RPGRIP1: variants seen among roughly 807,000 people sequenced by gnomAD.
RPGRIP1 encodes X-linked retinitis pigmentosa GTPase regulator-interacting protein 1.
RPGRIP1 carries 128 observed loss-of-function variants against 157.9 expected under a neutral mutation model. That is an observed-to-expected ratio of 0.81 (90% CI 0.70 to 0.94). The LOEUF (loss-of-function observed/expected upper bound fraction) is 0.94, where lower values mean the gene tolerates loss of function less well. Among genes scored for constraint, RPGRIP1 ranks in the 40% least tolerant of loss-of-function variants. RPGRIP1 has a pLI of 0.00. For missense variants in RPGRIP1, 1,486 were observed against 1,545.8 expected, an observed-to-expected ratio of 0.96 and a Z score of 0.65; for synonymous variants, 554 against 571.6, an observed-to-expected ratio of 0.97 and a Z score of 0.44.
At chr14:21,304,905 C>T (rs1323149345) in intron 6 of RPGRIP1, among the ~76,000 whole-genome samples, 2 of 151,914 alleles carry the variant, frequency 1.3e-5, no homozygotes, top group East Asian at 3.9e-4. Context: ...GGGTTCATGC[C>T]GTTCTCCTGC....
intron 3 of RPGRIP1, among the ~76,000 whole-genome samples, chr14:21,299,675 C>A (rs1398178126): frequency 6.6e-6 from 1 of 152,134 alleles, no homozygotes; most frequent in Admixed American, 6.6e-5. Context: ...GGAAACTGAG[C>A]ACAGAAAGGT....
chr14:21,297,372 G>C (rs1343025260), intron 3 of RPGRIP1, among the ~76,000 whole-genome samples: 4 of 152,174 alleles, frequency 2.6e-5, no homozygotes, highest in Admixed American at 2.6e-4. Context: ...TGGGATTACA[G>C]GTGTGAGCCA....
At chr14:21,281,099 C>T (rs1880108236) in intron 1 of RPGRIP1, among the ~76,000 whole-genome samples, 1 of 151,364 alleles carries the variant, frequency 6.6e-6, no homozygotes, top group Admixed American at 6.6e-5. Flanking sequence ...CTCACTGCAA[C>T]CTCTGCCTCC....
Position 21,325,308 on chromosome 14 carries a change from G to A in RPGRIP1, c.2292G>A (p.Ala764=), listed in dbSNP as rs35207255. 1.2e-3 allele frequency: 1,860 copies of A among 1,611,388 alleles called. 19 individuals carry two copies. In the African/African-American group the frequency reaches 0.021, roughly 19 times the overall value. The change falls in exon 16 of 25, where the codon GCG becomes GCA. Residue 764 remains alanine (A), a synonymous_variant. Transcript: ENST00000400017. ...LRFPIKPSLQ[A]CNKRKKAQVY... ...TCCCCATAAAACCCAGCCTACAGGC[G>A]TGCAATAAACGAAAGAAAGCCCAGG...
intron 11 of RPGRIP1, among the ~76,000 whole-genome samples, chr14:21,319,554 G>A (rs1882177128): frequency 6.6e-6 from 1 of 152,016 alleles, no homozygotes; most frequent in African/African-American, 2.4e-5. Flanking sequence ...GAGTAAGACT[G>A]TCTAAAGAGA....
At chr14:21,289,682 C>T (rs74386835) in intron 2 of RPGRIP1, among the ~76,000 whole-genome samples, 152 of 152,080 alleles carry the variant, frequency 1.0e-3, no homozygotes, top group Middle Eastern at 6.8e-3. Context: ...TAAAGTTGAA[C>T]GTGTAACTCT....
intron 21 of RPGRIP1, among the ~76,000 whole-genome samples, chr14:21,337,035 A>T (rs1884433898): frequency 6.6e-6 from 1 of 152,218 alleles, no homozygotes; most frequent in African/African-American, 2.4e-5. Context: ...TTATTGTTAT[A>T]TTCCAAAATG....
At chr14:21,297,904 G>A (rs1880864584) in intron 3 of RPGRIP1, among the ~76,000 whole-genome samples, 1 of 98,742 alleles carries the variant, frequency 1.0e-5, no homozygotes, top group African/African-American at 3.8e-5. Flanking sequence ...GTCTCACTCT[G>A]GCACACAGGC....
At chr14:21,330,491 A>C (rs1594230882) in intron 20 of RPGRIP1, 104 bp downstream of exon 20, 1 of 763,554 alleles carries the variant, frequency 1.3e-6, no homozygotes, top group East Asian at 3.6e-5. Context: ...ACATGATGAA[A>C]CCCGTCTCTA....
intron 21 of RPGRIP1, among the ~76,000 whole-genome samples, chr14:21,337,986 G>A (rs1223491281): frequency 6.6e-6 from 1 of 151,882 alleles, no homozygotes; most frequent in Non-Finnish European, 1.5e-5. Flanking sequence ...GTGCGATATC[G>A]GCTCACTGCA....
chr14:21,349,395 CTTTCT>C lies in RPGRIP1; in HGVS notation c.3748+1097_3748+1101del, dbSNP rs202198970. ...TCCTTAAATATAATTACTATAATTT[CTTTCT>C]TTTTTTTTTTTTTTTTTGAGATGGA... On this transcript the variant is annotated intron_variant, in intron 24 of 24. Transcript: ENST00000400017. 3.8e-3 allele frequency among the ~76,000 whole-genome samples: 409 copies of C among 108,212 alleles called. 3 individuals carry two copies. Among genetic ancestry groups the C allele is most frequent in the African/African-American group, 0.011 (336 of 29,692 alleles). The allele number at this position is 108,212 out of a possible 152,430, so 71.0% of individuals were successfully genotyped here. A position where few individuals can be genotyped will look rare whatever the true frequency, so the allele number is the denominator to read the frequency against.
At chr14:21,348,083 T>C in intron 23 of RPGRIP1, 89 bp from the exon 24 acceptor site, 1 of 1,093,952 alleles carries the variant, frequency 9.1e-7, no homozygotes, top group Non-Finnish European at 1.3e-6. Context: ...GAGAAGACGT[T>C]GTATTGTTTA....
intron 3 of RPGRIP1, among the ~76,000 whole-genome samples, chr14:21,297,834 ATTCTTTCTTTCTTTCT>A (rs55920234): frequency 7.5e-6 from 1 of 133,216 alleles, no homozygotes; most frequent in Non-Finnish European, 1.5e-5. Flanking sequence ...TCAATAAATT[ATTCTTTCTTTCTTTCT>A]TTCTTTCTTT....
chr14:21,303,558 C>G lies in RPGRIP1; in HGVS notation c.800+15C>G. ...GCAGAGCTTCGGTAAGAGTGTGGCA[C>G]TCCATGCCTCAAACCAAAACGAACT... On this transcript the variant is annotated intron_variant, in intron 6 of 24. Transcript: ENST00000400017. 1 of 1,592,534 alleles carries G rather than the reference C, an allele frequency of 6.3e-7. No homozygotes were observed. Among genetic ancestry groups the G allele is most frequent in the Non-Finnish European group, 8.6e-7 (1 of 1,161,596 alleles).
chr14:21,332,119 A>G (rs1053456245), intron 20 of RPGRIP1, among the ~76,000 whole-genome samples: 3 of 151,736 alleles, frequency 2.0e-5, no homozygotes, highest in African/African-American at 7.3e-5. Flanking sequence ...TTGTATTTTT[A>G]GTAGAGACTG....
chr14:21,296,597 C>A (rs938619726), intron 3 of RPGRIP1, among the ~76,000 whole-genome samples: 51 of 151,952 alleles, frequency 3.4e-4, no homozygotes, highest in Non-Finnish European at 7.4e-5. Flanking sequence ...ATGATCCCCC[C>A]ATCTTGGCCG....
At chr14:21,283,328 T>C (rs1880197463) in intron 1 of RPGRIP1, among the ~76,000 whole-genome samples, 1 of 152,040 alleles carries the variant, frequency 6.6e-6, no homozygotes, top group South Asian at 2.1e-4. Flanking sequence ...TTTGAGAAGC[T>C]GTCTCACACT....
intron 21 of RPGRIP1, 57 bp from the exon 22 acceptor site, chr14:21,342,979 A>C: frequency 7.7e-7 from 1 of 1,300,646 alleles, no homozygotes; most frequent in Non-Finnish European, 1.1e-6. Flanking sequence ...TGGATGGCGT[A>C]TAAGCACTTG....
intron 6 of RPGRIP1, among the ~76,000 whole-genome samples, chr14:21,306,931 A>G (rs137981298): frequency 0.018 from 2,690 of 150,334 alleles, 89 homozygotes; most frequent in African/African-American, 0.062. Context: ...GCGCACCACC[A>G]CACCCAGCTA....
Sources: gnomAD v4.1 joint callset for allele counts (sites outside exome capture counted in the v4.1 genomes callset) on GRCh38, gnomAD v4.1.1 for gene constraint, MANE v1.5 for transcripts, NCBI Gene and HGNC (gene_info 2026-07-23, HGNC 2026-07-21) for gene names.